The following DAP3 variants were observed in gnomAD, a reference collection of about 807,000 sequenced individuals.
The protein encoded by DAP3 is death associated protein 3, also known as small ribosomal subunit protein mS29.
Under a neutral mutation model 51.9 loss-of-function variants are expected in DAP3, and 28 were observed. The observed-to-expected ratio is 0.54, with a 90% CI of 0.40 to 0.74. The LOEUF is 0.74. Among genes scored for constraint, DAP3 ranks in the 30% least tolerant of loss-of-function variants. DAP3 has a pLI of 0.00. For synonymous variants in DAP3, 170 were observed against 170.3 expected (o/e 1.00, Z 0.01); for missense variants, 458 against 483.5 (o/e 0.95, Z 0.49).
chr1:155,732,244 TTTTG>T, intron 11 of DAP3: 1 of 354,406 alleles, frequency 2.8e-6, no homozygotes, highest in East Asian at 6.5e-5. Flanking sequence ...TTTTTTTTTT[TTTTG>T]AGACGGAGTC....
Position 155,738,258 on chromosome 1 carries a change from T to G in DAP3, c.*16T>G. On this transcript the variant is annotated 3_prime_UTR_variant, in exon 13 of 13. Transcript: ENST00000368336. The stretch of plus-strand genomic sequence containing the variant: ...CTACCTCTAAGCCAAGATCACAGCA[T>G]GTGAGGAAGACAGTGGACATCTGCT... The G allele has an allele frequency of 6.2e-7, 1 of 1,614,042 alleles. No homozygotes were observed. The highest frequency in any genetic ancestry group is 1.1e-5 in the South Asian group (1 of 91,066).
intron 1 of DAP3, among the ~76,000 whole-genome samples, chr1:155,690,871 C>G (rs986844771): frequency 7.0e-6 from 1 of 142,232 alleles, no homozygotes; most frequent in Admixed American, 6.6e-5. Context: ...ATCTGAGCAA[C>G]TAGGACTACA....
chr1:155,702,281 A>G lies in DAP3; in HGVS notation c.-7-7492A>G, dbSNP rs562965936. The stretch of plus-strand genomic sequence containing the variant: ...TCAGGAGATCGAGATCATCCTGGCT[A>G]ACACAGGGAAACCCCGTCTCTACTA... On this transcript the variant is annotated intron_variant, in intron 1 of 12. Transcript: ENST00000368336. Among the ~76,000 whole-genome samples the G allele has an allele frequency of 2.1e-4, 32 of 151,748 alleles. 1 individual carries two copies. Among genetic ancestry groups the G allele is most frequent in the Admixed American group, 1.0e-3 (16 of 15,262 alleles).
intron 1 of DAP3, among the ~76,000 whole-genome samples, chr1:155,704,141 G>A (rs913361393): frequency 6.6e-6 from 1 of 152,016 alleles, no homozygotes; most frequent in East Asian, 1.9e-4. Flanking sequence ...ACTGAGACCC[G>A]ATCTCACAAA....
intron 11 of DAP3, among the ~76,000 whole-genome samples, chr1:155,736,430 G>C (rs1280252025): frequency 1.3e-5 from 2 of 151,928 alleles, no homozygotes; most frequent in African/African-American, 4.8e-5. Flanking sequence ...TTTTTTTTGT[G>C]TGTGTAGACA....
upstream of DAP3, chr1:155,688,952 C>T (rs1653218165): frequency 1.2e-6 from 2 of 1,611,254 alleles, no homozygotes; most frequent in Admixed American, 1.7e-5. Flanking sequence ...GTCGCCGCGG[C>T]GCTGCGGCTC....
upstream of DAP3, chr1:155,688,474 A>C: frequency 5.2e-6 from 8 of 1,549,496 alleles, no homozygotes; most frequent in Non-Finnish European, 7.0e-6. Flanking sequence ...TGTAGCGCGC[A>C]CGTCAGCCCG....
chr1:155,688,756 GC>G (rs2149091334), upstream of DAP3: 1 of 1,505,922 alleles, frequency 6.6e-7, no homozygotes, highest in South Asian at 1.2e-5. Context: ...AGCAGCCGCC[GC>G]CAGCACCCCC....
intron 1 of DAP3, among the ~76,000 whole-genome samples, chr1:155,697,135 C>T (rs1025666591): frequency 1.8e-4 from 28 of 152,098 alleles, no homozygotes; most frequent in African/African-American, 4.1e-4. Context: ...TCTGAGGGAG[C>T]GGCCACTGTT....
chr1:155,702,198 C>G (rs552942000), intron 1 of DAP3, among the ~76,000 whole-genome samples: 5 of 150,988 alleles, frequency 3.3e-5, no homozygotes, highest in African/African-American at 1.2e-4. Context: ...GGCCAGGCCC[C>G]GTGGCTCACA....
At chr1:155,718,705 AAGAT>A (rs61332895) in intron 3 of DAP3, among the ~76,000 whole-genome samples, 12,251 of 140,774 alleles carry the variant, frequency 0.087, 605 homozygotes, top group African/African-American at 0.13. Context: ...AAAAGAAAGA[AAGAT>A]AGATAGATAG....
intron 1 of DAP3, among the ~76,000 whole-genome samples, chr1:155,704,812 T>A (rs1036229968): frequency 7.9e-5 from 12 of 151,936 alleles, no homozygotes; most frequent in African/African-American, 2.7e-4. Flanking sequence ...AAACCCTGTA[T>A]CTACTAAAAA....
upstream of DAP3, chr1:155,688,163 C>A (rs760041500): frequency 6.2e-7 from 1 of 1,613,964 alleles, no homozygotes; most frequent in East Asian, 2.2e-5. Flanking sequence ...CACCGCGGAT[C>A]CCTCCCGCTT....
At chr1:155,688,421 C>G (rs1286436921), upstream of DAP3, 3 of 1,546,074 alleles carry the variant, frequency 1.9e-6, no homozygotes, top group Non-Finnish European at 2.6e-6. Flanking sequence ...CCTCCCTCCT[C>G]GCGTTCTTCC....
intron 1 of DAP3, among the ~76,000 whole-genome samples, chr1:155,703,577 G>T (rs912142279): frequency 6.6e-6 from 1 of 152,120 alleles, no homozygotes; most frequent in Non-Finnish European, 1.5e-5. Flanking sequence ...TTGCTCTGTC[G>T]CCCAGACTGG....
At chr1:155,696,559 A>C (rs754072416) in intron 1 of DAP3, among the ~76,000 whole-genome samples, 3 of 152,214 alleles carry the variant, frequency 2.0e-5, no homozygotes, top group Non-Finnish European at 2.9e-5. Context: ...AGTTGTTTGA[A>C]TTTTGTCAGG....
Position 155,717,001 on chromosome 1 carries a change from T to C in DAP3, c.46-5T>C. The stretch of plus-strand genomic sequence containing the variant: ...CCCGTAACACTGAAATGGTTTCTCT[T>C]ATAGTTGGACCCTGGGCGTTTTTTA... On this transcript the variant is annotated splice_region_variant and splice_polypyrimidine_tract_variant and intron_variant, in intron 2 of 12. Transcript: ENST00000368336. 2 of 1,612,598 alleles carry C rather than the reference T, an allele frequency of 1.2e-6. No homozygotes were observed. Among genetic ancestry groups the C allele is most frequent in the East Asian group, 2.2e-5 (1 of 44,860 alleles).
At chr1:155,712,164 G>T (rs1656792127) in intron 2 of DAP3, among the ~76,000 whole-genome samples, 1 of 152,136 alleles carries the variant, frequency 6.6e-6, no homozygotes, top group Non-Finnish European at 1.5e-5. Context: ...AACCATCACG[G>T]TGATCTTCTA....
At chr1:155,709,937 G>A (rs1656491612) in intron 2 of DAP3, 113 bp downstream of exon 2, 4 of 923,210 alleles carry the variant, frequency 4.3e-6, no homozygotes, top group South Asian at 1.8e-5. Context: ...AACTTCATAT[G>A]TAACAGGTTT....
Sources: allele counts gnomAD v4.1 joint callset (sites outside exome capture counted in the v4.1 genomes callset), GRCh38; gene constraint gnomAD v4.1.1; transcripts MANE v1.5; gene names NCBI Gene and HGNC (gene_info 2026-07-23, HGNC 2026-07-21).